Variants in PITRM1 observed in about 807,000 individuals in gnomAD.
PITRM1 encodes the protein pitrilysin metallopeptidase 1.
PITRM1 carries 100 observed loss-of-function variants against 129.9 expected under a neutral mutation model. The ratio of observed to expected loss-of-function variants is 0.77; its 90% CI spans 0.65 to 0.91. The LOEUF is 0.91. Ranked by LOEUF, PITRM1 falls within the 40% of genes least tolerant of loss-of-function variation. The probability of loss-of-function intolerance (pLI) is 0.00; values close to 1 mark genes in which losing one functional copy is unlikely to be tolerated. For missense variants in PITRM1, 1,471 were observed against 1,318.3 expected, an observed-to-expected ratio of 1.12 and a Z score of -1.79; for synonymous variants, 591 against 508.8, an observed-to-expected ratio of 1.16 and a Z score of -2.17.
At position 3,157,023 on chromosome 10, in the gene PITRM1, C is replaced by T. The variant is rs768560360; in HGVS notation, c.1389G>A (p.Glu463=). 3 of 1,610,670 alleles carry T rather than the reference C, an allele frequency of 1.9e-6. No homozygotes were observed. Among genetic ancestry groups the T allele is most frequent in the East Asian group, 2.2e-5 (1 of 44,650 alleles). ...CTAACTGATTTCCCAACTTCAAGAG[C>T]TCCACAGGGTCCCCATCATGGTTCC... ...SCWNHDGDPV[E]LLKLGNQLAK... is the part of the protein sequence containing the mutation. The change falls in exon 13 of 27, where the codon GAG becomes GAA. Residue 463 remains glutamate (E), a synonymous_variant. Coordinates refer to ENST00000224949, the MANE Select transcript of PITRM1 (RefSeq NM_014889.4).
intron 4 of PITRM1, 145 bp from the exon 5 acceptor site, chr10:3,165,672 T>C (rs1404913538): frequency 3.2e-6 from 2 of 620,492 alleles, no homozygotes; most frequent in Non-Finnish European, 5.6e-6. Flanking sequence ...CTCTGGTCCC[T>C]GGCCTCAGCA....
Position 3,147,978 on chromosome 10 carries a change from T to C in PITRM1, c.2069+9A>G, listed in dbSNP as rs1404705164. On this transcript the variant is annotated intron_variant, in intron 18 of 26. Transcript: ENST00000224949. Reference sequence around the variant, plus strand: ...CCCAAGAATGGACAACTCTTGCAAATAAAGTTACTTGTTAAATATTTCACT... The same window carrying C: ...CCCAAGAATGGACAACTCTTGCAAACAAAGTTACTTGTTAAATATTTCACT... 1 of 1,600,934 alleles carries C rather than the reference T, an allele frequency of 6.2e-7. No homozygotes were observed. Among genetic ancestry groups the C allele is most frequent in the Non-Finnish European group, 8.6e-7 (1 of 1,167,974 alleles).
In PITRM1 at chr10:3,167,022, C is replaced by T; in HGVS notation, c.180G>A (p.Leu60=). ...GGGTGAGCTTCACTGCAGTCAGGAA[C>T]AGCTCGGGAACAGATGTCACCTGAG... ...TVNQVTSVPE[L]FLTAVKLTHD... The change falls in exon 3 of 27, where the codon CTG becomes CTA. Residue 60 remains leucine (L), a synonymous_variant. Coordinates refer to ENST00000224949, the MANE Select transcript of PITRM1 (RefSeq NM_014889.4). 5 of 1,607,558 alleles carry T rather than the reference C, an allele frequency of 3.1e-6. No homozygotes were observed. The highest frequency in any genetic ancestry group is 3.4e-6 in the Non-Finnish European group (4 of 1,176,440).
chr10:3,158,783 T>G, intron 10 of PITRM1, 131 bp downstream of exon 10: 1 of 833,688 alleles, frequency 1.2e-6, no homozygotes, highest in Non-Finnish European at 1.9e-6. Context: ...CATCTTCCGA[T>G]TATAGCAATC....
chr10:3,157,399 A>G, intron 12 of PITRM1, 36 bp downstream of exon 12: 1 of 1,339,204 alleles, frequency 7.5e-7, no homozygotes, highest in Non-Finnish European at 1.0e-6. Context: ...AATGTCTATT[A>G]TAAAACAAAA....
chr10:3,147,426 AAACC>A (rs1841005475), intron 19 of PITRM1, 142 bp downstream of exon 19: 4 of 1,102,262 alleles, frequency 3.6e-6, no homozygotes, highest in Non-Finnish European at 5.4e-6. Flanking sequence ...AGATGAGTCA[AAACC>A]AACCAACCAA....
chr10:3,164,035 A>AAC, intron 6 of PITRM1, 150 bp from the exon 7 acceptor site: 1 of 425,358 alleles, frequency 2.4e-6, no homozygotes, highest in Non-Finnish European at 4.1e-6. Flanking sequence ...AAAAAAAAAA[A>AAC]AAAACACCCA....
chr10:3,152,949 C>T (rs889188694), intron 14 of PITRM1, among the ~76,000 whole-genome samples: 15 of 152,336 alleles, frequency 9.8e-5, no homozygotes, highest in African/African-American at 3.4e-4. Context: ...AGGCTTTACC[C>T]CTTCACAGTG....
chr10:3,160,490 G>A (rs9423709), intron 7 of PITRM1, among the ~76,000 whole-genome samples, 160 bp from the exon 8 acceptor site: 37,162 of 152,052 alleles, frequency 0.24, 4,616 homozygotes, highest in East Asian at 0.3. Context: ...AAAATATCAC[G>A]GTACTTCGAG....
intron 25 of PITRM1, chr10:3,138,683 C>T (rs1386982167): frequency 1.5e-6 from 1 of 662,382 alleles, no homozygotes. Context: ...CATGGGTTGG[C>T]CCCACTGGGT....
chr10:3,144,477 G>T, intron 21 of PITRM1, 111 bp from the exon 22 acceptor site: 2 of 649,768 alleles, frequency 3.1e-6, no homozygotes, highest in South Asian at 3.9e-5. Flanking sequence ...TGTTAGGGCA[G>T]GTGTAAGTGT....
Position 3,157,991 on chromosome 10 carries a change from C to A in PITRM1, c.1250+49G>T, listed in dbSNP as rs774847283. 1.0e-5 allele frequency: 12 copies of A among 1,163,804 alleles called. No individual in the cohort carries two copies. The African/African-American group carries it at 1.6e-4, about 16-fold the overall frequency. The allele number at this position is 1,163,804 out of a possible 1,614,324, so 72.1% of individuals were successfully genotyped here. The stretch of plus-strand genomic sequence containing the variant: ...CAGGCTCAGCTTCTCCCAAAAAGCA[C>A]ACAGGAATGAGGAACGAAAGCAGAT... On this transcript the variant is annotated intron_variant, in intron 11 of 26. Coordinates refer to ENST00000224949, the MANE Select transcript of PITRM1 (RefSeq NM_014889.4).
chr10:3,163,123 T>G (rs984111509), intron 7 of PITRM1: 5 of 152,246 alleles, frequency 3.3e-5, no homozygotes, highest in Non-Finnish European at 5.9e-5. Context: ...ATTATTCTAG[T>G]ATCTCTACTT....
chr10:3,162,931 A>G (rs1262098266), intron 7 of PITRM1, among the ~76,000 whole-genome samples: 1 of 152,270 alleles, frequency 6.6e-6, no homozygotes, highest in African/African-American at 2.4e-5. Context: ...GGCAGTTTTA[A>G]GAAAGTATGT....
chr10:3,158,644 T>A (rs1023916116), intron 10 of PITRM1, among the ~76,000 whole-genome samples: 1 of 152,194 alleles, frequency 6.6e-6, no homozygotes, highest in African/African-American at 2.4e-5. Flanking sequence ...CTGGGTGTTT[T>A]TCTTTTGGAC....
intron 25 of PITRM1, 120 bp downstream of exon 25, chr10:3,138,784 C>T: frequency 1.1e-6 from 1 of 937,498 alleles, no homozygotes; most frequent in Non-Finnish European, 1.8e-6. Flanking sequence ...AATCGTATCA[C>T]AAGCAAGGAT....
At chr10:3,172,819 A>T (rs76038233), upstream of PITRM1, 4,734 of 1,522,676 alleles carry the variant, frequency 3.1e-3, 174 homozygotes, top group East Asian at 0.088. Flanking sequence ...TCTTAACCCG[A>T]CGCAGGGCGC....
chr10:3,137,920 G>C lies in PITRM1; in HGVS notation c.*111C>G, dbSNP rs139347376. The C allele has an allele frequency of 4.5e-6, 3 of 672,512 alleles. No individual in the cohort carries two copies. The highest frequency in any genetic ancestry group is 1.8e-5 in the African/African-American group (1 of 55,344). 41.7% of individuals were successfully genotyped at this position (672,512 alleles called of 1,614,324 possible). ...TGACTCGCCAGTCAAGGGCTTTGGCGACACTCAATGACATAATATTCTTGG... is the reference window on the plus strand; with the variant it reads ...TGACTCGCCAGTCAAGGGCTTTGGCCACACTCAATGACATAATATTCTTGG... On this transcript the variant is annotated 3_prime_UTR_variant, in exon 27 of 27. Coordinates refer to ENST00000224949, the MANE Select transcript of PITRM1 (RefSeq NM_014889.4).
At position 3,145,822 on chromosome 10, in the gene PITRM1, G is replaced by A. The variant is rs1016062878; in HGVS notation, c.2337-106C>T. 2.0e-5 allele frequency: 18 copies of A among 911,720 alleles called. No individual in the cohort carries two copies. In the East Asian group the frequency reaches 4.5e-4, roughly 23 times the overall value. 56.5% of individuals were successfully genotyped at this position (911,720 alleles called of 1,614,324 possible). ...TAATGTTGTTTTTATAGAAAATACT[G>A]TTCAGAGTGTTAAACAGCAGCCAAA... is the stretch of plus-strand genomic sequence containing the variant. On this transcript the variant is annotated intron_variant, in intron 20 of 26. Transcript: ENST00000224949.
Sources: gnomAD v4.1 joint callset for allele counts (sites outside exome capture counted in the v4.1 genomes callset) on GRCh38, gnomAD v4.1.1 for gene constraint, MANE v1.5 for transcripts, NCBI Gene and HGNC (gene_info 2026-07-23, HGNC 2026-07-21) for gene names.